Variants in DOCK2 observed in about 807,000 individuals in gnomAD.
DOCK2 encodes dedicator of cytokinesis protein 2.
In DOCK2, 87 loss-of-function variants were observed where a neutral mutation model predicts 248.9. That is an observed-to-expected ratio of 0.35 (90% confidence interval 0.29 to 0.42). DOCK2 has a LOEUF of 0.42. DOCK2 is among the 10% of genes least tolerant of loss of function. The probability of loss-of-function intolerance (pLI) is 1.00; values close to 1 mark genes in which losing one functional copy is unlikely to be tolerated. For synonymous variants in DOCK2, 805 were observed against 821.6 expected (o/e 0.98, Z 0.35); for missense variants, 1,747 against 2,300.2 (o/e 0.76, Z 4.92).
chr5:169,839,141 G>T (rs1186153621), intron 26 of DOCK2, among the ~76,000 whole-genome samples: 2 of 152,132 alleles, frequency 1.3e-5, no homozygotes, highest in Admixed American at 1.3e-4. Context: ...CTCTGGCTAG[G>T]TTCTGGAGAC....
intron 32 of DOCK2, among the ~76,000 whole-genome samples, chr5:170,012,694 C>T (rs972546254): frequency 8.5e-5 from 13 of 152,156 alleles, no homozygotes; most frequent in Admixed American, 4.6e-4. Flanking sequence ...CCCGGGCGGA[C>T]GCCAAATGGA....
At chr5:169,824,341 C>T (rs1768693341) in intron 26 of DOCK2, among the ~76,000 whole-genome samples, 1 of 152,200 alleles carries the variant, frequency 6.6e-6, no homozygotes, top group African/African-American at 2.4e-5. Flanking sequence ...AAGAAGAAAG[C>T]TGGAGGCATC....
At chr5:169,811,177 C>A (rs1006581722) in intron 26 of DOCK2, among the ~76,000 whole-genome samples, 1 of 152,172 alleles carries the variant, frequency 6.6e-6, no homozygotes, top group Non-Finnish European at 1.5e-5. Context: ...TGCCCCTGAC[C>A]TGCGTGTGGG....
intron 27 of DOCK2, among the ~76,000 whole-genome samples, chr5:169,936,698 G>C (rs1052291926): frequency 5.9e-5 from 9 of 151,514 alleles, no homozygotes; most frequent in African/African-American, 2.2e-4. Context: ...CCTCCTCCTG[G>C]GGGGCGCGCT....
rs573771097 is a variant in DOCK2, at chr5:169,761,418, G to T, written c.2448-101G>T. On this transcript the variant is annotated intron_variant, in intron 24 of 51. Coordinates refer to ENST00000520908, the MANE Select transcript of DOCK2 (RefSeq NM_004946.3). ...ACCTCATGCTCTGCCAGGACTTGGGGGTTTCCCAGAGCTAGAGGTCCAGGG... is the reference window on the plus strand; with the variant it reads ...ACCTCATGCTCTGCCAGGACTTGGGTGTTTCCCAGAGCTAGAGGTCCAGGG... The T allele has an allele frequency of 1.1e-5, 10 of 915,188 alleles. No individual in the cohort carries two copies. In the South Asian group the frequency reaches 1.6e-4, roughly 14 times the overall value. The allele number at this position is 915,188 out of a possible 1,614,324, so 56.7% of individuals were successfully genotyped here.
intron 27 of DOCK2, among the ~76,000 whole-genome samples, chr5:169,953,913 A>G (rs1180926258): frequency 6.6e-6 from 1 of 152,240 alleles, no homozygotes; most frequent in Admixed American, 6.5e-5. Flanking sequence ...TGGTAATTGT[A>G]ACTACCTCAA....
rs751735506 is a variant in DOCK2 at position 169,883,622 on chromosome 5, G to A, written c.2799+42770G>A. 48 of 1,551,426 alleles carry A rather than the reference G, an allele frequency of 3.1e-5. No homozygotes were observed. The highest frequency in any genetic ancestry group is 3.1e-5 in the Non-Finnish European group (36 of 1,146,926). ...GGGGAAGTTTGGATTGCAATGTTGCGAAAGCCCCCTGCCTTCTGGGACCTG... is the reference window on the plus strand; with the variant it reads ...GGGGAAGTTTGGATTGCAATGTTGCAAAAGCCCCCTGCCTTCTGGGACCTG... On this transcript the variant is annotated intron_variant, in intron 27 of 51. Coordinates refer to ENST00000520908, the MANE Select transcript of DOCK2 (RefSeq NM_004946.3).
chr5:169,672,692 A>T (rs557630083), intron 5 of DOCK2, among the ~76,000 whole-genome samples: 1 of 152,144 alleles, frequency 6.6e-6, no homozygotes, highest in Non-Finnish European at 1.5e-5. Flanking sequence ...CTCACTTTAG[A>T]TGCCAGTCGC....
intron 27 of DOCK2, among the ~76,000 whole-genome samples, chr5:169,950,443 G>A (rs1231678710): frequency 6.6e-6 from 1 of 152,164 alleles, no homozygotes; most frequent in African/African-American, 2.4e-5. Flanking sequence ...GCTTTCTCAA[G>A]ACAAACCTAG....
chr5:169,744,606 T>TA (rs1491097989), intron 22 of DOCK2, among the ~76,000 whole-genome samples: 10 of 117,422 alleles, frequency 8.5e-5, no homozygotes, highest in South Asian at 5.5e-4. Context: ...GCTCATAAAA[T>TA]CAAAAAAAAA....
intron 29 of DOCK2, among the ~76,000 whole-genome samples, chr5:169,988,623 C>A (rs1042094207): frequency 3.3e-5 from 5 of 152,114 alleles, no homozygotes; most frequent in African/African-American, 9.7e-5. Flanking sequence ...AGTGATTCTC[C>A]TGCCTCAGCC....
At chr5:170,038,436 A>G (rs1036606861) in intron 36 of DOCK2, among the ~76,000 whole-genome samples, 1 of 152,248 alleles carries the variant, frequency 6.6e-6, no homozygotes, top group South Asian at 2.1e-4. Flanking sequence ...CAGAATATTT[A>G]AAAACATTTT....
chr5:169,737,790 G>T (rs565899493), intron 22 of DOCK2, among the ~76,000 whole-genome samples: 1 of 152,172 alleles, frequency 6.6e-6, no homozygotes, highest in Non-Finnish European at 1.5e-5. Flanking sequence ...TGGAAGCTCC[G>T]CATACCTTCC....
intron 27 of DOCK2, among the ~76,000 whole-genome samples, chr5:169,885,866 A>C (rs1169717676): frequency 7.8e-6 from 1 of 127,898 alleles, no homozygotes; most frequent in Non-Finnish European, 1.8e-5. Context: ...ATCTCATTTA[A>C]TCCTTACAAA....
intron 27 of DOCK2, chr5:169,934,761 T>C (rs915281636): frequency 8.8e-6 from 4 of 454,778 alleles, no homozygotes; most frequent in African/African-American, 8.0e-5. Flanking sequence ...GCTCAGTAAA[T>C]GCTAGTTATC....
At chr5:169,974,378 T>C (rs990973700) in intron 27 of DOCK2, among the ~76,000 whole-genome samples, 4 of 152,248 alleles carry the variant, frequency 2.6e-5, no homozygotes, top group Non-Finnish European at 5.9e-5. Flanking sequence ...CTCTTTCTTC[T>C]GGTTTTTTCT....
intron 8 of DOCK2, among the ~76,000 whole-genome samples, chr5:169,688,251 T>C (rs139302606): frequency 5.8e-4 from 89 of 152,344 alleles, no homozygotes; most frequent in African/African-American, 2.1e-3. Flanking sequence ...CCTAGATGCA[T>C]CCAGCTGTTT....
intron 27 of DOCK2, among the ~76,000 whole-genome samples, chr5:169,868,890 A>G (rs1386116152): frequency 6.6e-6 from 1 of 152,156 alleles, no homozygotes; most frequent in Non-Finnish European, 1.5e-5. Flanking sequence ...CCAGCCCAAC[A>G]TAGAGGATGG....
At chr5:169,652,456 A>T (rs1757860725) in intron 1 of DOCK2, among the ~76,000 whole-genome samples, 1 of 152,254 alleles carries the variant, frequency 6.6e-6, no homozygotes, top group Admixed American at 6.5e-5. Flanking sequence ...TGGAGACTTC[A>T]TCTCTCTGAA....
Sources: allele counts gnomAD v4.1 joint callset (sites outside exome capture counted in the v4.1 genomes callset), GRCh38; gene constraint gnomAD v4.1.1; transcripts MANE v1.5; gene names NCBI Gene and HGNC (gene_info 2026-07-23, HGNC 2026-07-21).